Variants in TBC1D1 observed in about 807,000 individuals in gnomAD.
The protein encoded by TBC1D1 is TBC1 domain family member 1, also known as TBC1 (tre-2/USP6, BUB2, cdc16) domain family, member 1.
TBC1D1 carries 89 observed loss-of-function variants against 125.6 expected under a neutral mutation model. The ratio of observed to expected loss-of-function variants is 0.71; its 90% confidence interval spans 0.60 to 0.85. The LOEUF (loss-of-function observed/expected upper bound fraction) is 0.85, where lower values mean the gene tolerates loss of function less well. TBC1D1 is among the 40% of genes least tolerant of loss of function. The probability of loss-of-function intolerance (pLI) is 0.00; values close to 1 mark genes in which losing one functional copy is unlikely to be tolerated. For synonymous variants in TBC1D1, 565 were observed against 564.1 expected (o/e 1.00, Z -0.02); for missense variants, 1,377 against 1,469.2 (o/e 0.94, Z 1.03).
chr4:37,940,500 T>C lies in TBC1D1; in HGVS notation c.417+37988T>C, dbSNP rs1449469644. On this transcript the variant is annotated intron_variant, in intron 2 of 19. Transcript: ENST00000261439. ...ACAATTTGATTTCCTCTTTTCCTAA[T>C]TGAATACCCTTTATTTCTTTCTCCT... Among the ~76,000 whole-genome samples, 5 of 152,294 alleles carry C rather than the reference T, an allele frequency of 3.3e-5. No individual in the cohort carries two copies. In the East Asian group the frequency reaches 9.6e-4, roughly 29 times the overall value.
chr4:37,933,246 C>G (rs1381299009), intron 2 of TBC1D1, among the ~76,000 whole-genome samples: 1 of 151,998 alleles, frequency 6.6e-6, no homozygotes, highest in East Asian at 1.9e-4. Context: ...CACACATTTA[C>G]ATATATAGCT....
intron 2 of TBC1D1, among the ~76,000 whole-genome samples, chr4:37,996,465 A>G (rs1019758810): frequency 3.9e-5 from 6 of 152,130 alleles, no homozygotes; most frequent in African/African-American, 1.5e-4. Flanking sequence ...GATCAAAGTT[A>G]AAGAAAGGGA....
intron 16 of TBC1D1, 131 bp downstream of exon 18, chr4:38,116,085 T>G (rs1762940159): frequency 1.0e-6 from 1 of 969,708 alleles, no homozygotes; most frequent in Non-Finnish European, 1.5e-6. Context: ...GATAAAGGAC[T>G]CTGTGCTAGG....
intron 11 of TBC1D1, 24 bp downstream of exon 12, chr4:38,052,084 T>C: frequency 1.3e-6 from 2 of 1,550,376 alleles, no homozygotes; most frequent in South Asian, 1.2e-5. Flanking sequence ...CGTGGCAAGT[T>C]TGGTGTTGTC....
chr4:37,979,764 G>A (rs1733971699), intron 2 of TBC1D1, among the ~76,000 whole-genome samples: 2 of 152,224 alleles, frequency 1.3e-5, no homozygotes, highest in Non-Finnish European at 2.9e-5. Flanking sequence ...ATGGATACCT[G>A]AGCACGAATG....
At chr4:37,987,806 T>C (rs2152382044) in intron 2 of TBC1D1, among the ~76,000 whole-genome samples, 1 of 152,362 alleles carries the variant, frequency 6.6e-6, no homozygotes, top group Middle Eastern at 3.4e-3. Context: ...TTGTGGATTT[T>C]AGAGTGTTTT....
At chr4:37,913,794 C>A (rs1394563049) in intron 2 of TBC1D1, among the ~76,000 whole-genome samples, 2 of 150,750 alleles carry the variant, frequency 1.3e-5, no homozygotes, top group Non-Finnish European at 2.9e-5. Context: ...CACTCCCTTG[C>A]CTTTTCTTTG....
rs780088417 is a variant in TBC1D1, at chr4:38,052,027, G to C, written c.1910+2129G>C. 5.2e-6 allele frequency: 8 copies of C among 1,551,080 alleles called. No individual in the cohort carries two copies. In the South Asian group the frequency reaches 9.5e-5, roughly 18 times the overall value. ...TTTAAGTACCTAAAACATAATTCCA[G>C]TGGAGAACAAAGTGGGAATGCTGTG... On this transcript the variant is annotated intron_variant, in intron 11 of 19. Coordinates refer to ENST00000261439, the MANE Select transcript of TBC1D1 (RefSeq NM_015173.4).
At chr4:37,965,285 G>A (rs1210510515) in intron 2 of TBC1D1, among the ~76,000 whole-genome samples, 2 of 152,150 alleles carry the variant, frequency 1.3e-5, no homozygotes, top group African/African-American at 2.4e-5. Flanking sequence ...GACCTCATGC[G>A]CTGTAAATGC....
At chr4:38,118,354 T>G in intron 17 of TBC1D1, 162 bp downstream of exon 19, 1 of 767,820 alleles carries the variant, frequency 1.3e-6, no homozygotes, top group East Asian at 2.7e-5. Context: ...TTTTGTGACT[T>G]TGGAGTCCTC....
intron 11 of TBC1D1, 114 bp from the exon 13 acceptor site, chr4:38,052,990 AGT>A: frequency 4.6e-6 from 3 of 656,076 alleles, no homozygotes; most frequent in Non-Finnish European, 6.6e-6. Context: ...TTTCTTACCT[AGT>A]TTTCTTTTCT....
At chr4:38,056,146 C>G (rs1422454241) in intron 12 of TBC1D1, among the ~76,000 whole-genome samples, 1 of 152,204 alleles carries the variant, frequency 6.6e-6, no homozygotes, top group Non-Finnish European at 1.5e-5. Context: ...CTGGCTTCTT[C>G]TCTGGTCTCT....
chr4:37,896,674 T>C (rs1040885891), intron 1 of TBC1D1, among the ~76,000 whole-genome samples: 4 of 152,028 alleles, frequency 2.6e-5, no homozygotes, highest in African/African-American at 9.6e-5. Context: ...GTTGGGGTTC[T>C]CTGCAGCACT....
chr4:37,895,686 A>AGAGT (rs1714413166), intron 1 of TBC1D1, among the ~76,000 whole-genome samples: 1 of 152,224 alleles, frequency 6.6e-6, no homozygotes, highest in Non-Finnish European at 1.5e-5. Flanking sequence ...CCTGGGTGAC[A>AGAGT]GAGTGAGATT....
At chr4:37,950,312 G>C (rs1346347854) in intron 2 of TBC1D1, among the ~76,000 whole-genome samples, 1 of 151,980 alleles carries the variant, frequency 6.6e-6, no homozygotes, top group African/African-American at 2.4e-5. Context: ...TTGTTAGGAG[G>C]ATTTTATGTG....
Position 38,054,348 on chromosome 4 carries a change from G to A in TBC1D1, c.2050+10G>A. Reference sequence around the variant, plus strand: ...TCCAGCAGATATGAAGGTAAGGCCGGTACCTGAAATGAAACCTCAAAGAGA... The same window carrying A: ...TCCAGCAGATATGAAGGTAAGGCCGATACCTGAAATGAAACCTCAAAGAGA... On this transcript the variant is annotated intron_variant, in intron 12 of 19. Transcript: ENST00000261439. 6.2e-7 allele frequency: 1 copy of A among 1,613,850 alleles called. No homozygotes were observed. The highest frequency in any genetic ancestry group is 8.5e-7 in the Non-Finnish European group (1 of 1,179,950).
rs377165537 is a variant in TBC1D1, at chr4:38,010,405, G to T, written c.418-4104G>T. 5.9e-5 allele frequency among the ~76,000 whole-genome samples: 9 copies of T among 152,266 alleles called. No homozygotes were observed. In the South Asian group the frequency reaches 1.0e-3, roughly 18 times the overall value. ...CCTGAAATGTTGGGGTATCCCAGGA[G>T]CCTGTCTTGGCACTCCCTTCCTTTA... On this transcript the variant is annotated intron_variant, in intron 2 of 19. Transcript: ENST00000261439.
chr4:38,068,734 C>A (rs752274615), intron 12 of TBC1D1, among the ~76,000 whole-genome samples: 1 of 152,162 alleles, frequency 6.6e-6, no homozygotes, highest in Non-Finnish European at 1.5e-5. Flanking sequence ...ATGTGGCTAC[C>A]GTATTGTAAG....
intron 12 of TBC1D1, among the ~76,000 whole-genome samples, chr4:38,060,445 GT>G (rs894281322): frequency 1.3e-5 from 2 of 152,156 alleles, no homozygotes; most frequent in African/African-American, 4.8e-5. Context: ...GTATCTCCTT[GT>G]GGTTTTGATT....
Sources: allele counts gnomAD v4.1 joint callset (sites outside exome capture counted in the v4.1 genomes callset), GRCh38; gene constraint gnomAD v4.1.1; transcripts MANE v1.5; gene names NCBI Gene and HGNC (gene_info 2026-07-23, HGNC 2026-07-21).